The following TMEM170A variants were observed in gnomAD, a reference collection of about 807,000 sequenced individuals.
TMEM170A encodes transmembrane protein 170A, also known as transmembrane protein 170.
A neutral mutation model predicts 12.8 loss-of-function variants in TMEM170A; 18 were observed. The observed-to-expected ratio is 1.41, with a 90% confidence interval of 0.97 to 2.09. The LOEUF is 2.09. TMEM170A is among the 30% of genes most tolerant of loss of function. TMEM170A has a pLI of 0.00. For missense variants in TMEM170A, 220 were observed against 179.9 expected (o/e 1.22, Z -1.28); for synonymous variants, 107 against 76.2 (o/e 1.40, Z -2.11).
At position 75,443,456 on chromosome 16, in the gene TMEM170A, C is replaced by T. The variant is rs1423185925; in HGVS notation, c.*4102G>A. 2 of 152,170 alleles carry T rather than the reference C, an allele frequency of 1.3e-5. No individual in the cohort carries two copies. The highest frequency in any genetic ancestry group is 3.8e-4 in the East Asian group (2 of 5,200). 9.4% of individuals were successfully genotyped at this position (152,170 alleles called of 1,614,324 possible). On this transcript the variant is annotated 3_prime_UTR_variant, in exon 3 of 3. Transcript: ENST00000561878. ...GAAATGCAAGTACACGACATTTCTG[C>T]ATATGGTCTGCTAATGGCACCGATG...
At position 75,443,580 on chromosome 16, in the gene TMEM170A, G is replaced by T. The variant is rs1204714237; in HGVS notation, c.*3978C>A. 6.6e-6 allele frequency: 1 copy of T among 152,002 alleles called. No individual in the cohort carries two copies. The highest frequency in any genetic ancestry group is 2.4e-5 in the African/African-American group (1 of 41,376). 9.4% of individuals were successfully genotyped at this position (152,002 alleles called of 1,614,324 possible). A position where few individuals can be genotyped will look rare whatever the true frequency, so the allele number is the denominator to read the frequency against. ...CAGAGCAACCAGAAAGGATACTGGA[G>T]GCAAAAGCCAAAATACAATTTAAAA... On this transcript the variant is annotated 3_prime_UTR_variant, in exon 3 of 3. Coordinates refer to ENST00000561878, the MANE Select transcript of TMEM170A (RefSeq NM_145254.3).
At chr16:75,449,233 C>T (rs1597435886) in intron 2 of TMEM170A, among the ~76,000 whole-genome samples, 1 of 152,208 alleles carries the variant, frequency 6.6e-6, no homozygotes, top group African/African-American at 2.4e-5. Context: ...AAGGTATGAT[C>T]GCTATTCTCA....
intron 1 of TMEM170A, among the ~76,000 whole-genome samples, chr16:75,454,434 T>C (rs139835530): frequency 6.7e-5 from 10 of 149,298 alleles, no homozygotes; most frequent in East Asian, 2.0e-4. Context: ...CTGGCCAACA[T>C]AGTGAAACCC....
intron 2 of TMEM170A, among the ~76,000 whole-genome samples, chr16:75,449,198 T>C (rs1280108753): frequency 6.6e-6 from 1 of 152,206 alleles, no homozygotes; most frequent in Admixed American, 6.5e-5. Context: ...CCAATTTTCA[T>C]CTGCAGAACA....
chr16:75,443,679 A>T lies in TMEM170A; in HGVS notation c.*3879T>A, dbSNP rs1471917061. 6.6e-6 allele frequency: 1 copy of T among 152,244 alleles called. No homozygotes were observed. The highest frequency in any genetic ancestry group is 1.5e-5 in the Non-Finnish European group (1 of 68,042). 9.4% of individuals were successfully genotyped at this position (152,244 alleles called of 1,614,324 possible). The stretch of plus-strand genomic sequence containing the variant: ...TCACCTAGTGTAAACATTTCATAAG[A>T]AGTAATATTTTGTGGTCACAAAAAA... On this transcript the variant is annotated 3_prime_UTR_variant, in exon 3 of 3. Transcript: ENST00000561878.
At chr16:75,457,937 C>T (rs1330253557) in intron 1 of TMEM170A, among the ~76,000 whole-genome samples, 3 of 152,176 alleles carry the variant, frequency 2.0e-5, no homozygotes, top group Non-Finnish European at 2.9e-5. Context: ...GCTTATAAAA[C>T]ACTTTCACAT....
At chr16:75,464,249 A>C in intron 1 of TMEM170A, 1 of 1,501,470 alleles carries the variant, frequency 6.7e-7, no homozygotes. Context: ...CGCTCTCTGC[A>C]TCTCACGCCC....
rs951255589 is a variant in TMEM170A, at chr16:75,445,313, T to C, written c.*2245A>G. 1 of 152,204 alleles carries C rather than the reference T, an allele frequency of 6.6e-6. No homozygotes were observed. The highest frequency in any genetic ancestry group is 2.4e-5 in the African/African-American group (1 of 41,450). The allele number at this position is 152,204 out of a possible 1,614,324, so 9.4% of individuals were successfully genotyped here. ...GTTTTGATAAGTTAATTACCAAAAT[T>C]AGTAATATTATTTTAAGACAGGGTC... On this transcript the variant is annotated 3_prime_UTR_variant, in exon 3 of 3. Coordinates refer to ENST00000561878, the MANE Select transcript of TMEM170A (RefSeq NM_145254.3).
At position 75,451,825 on chromosome 16, in the gene TMEM170A, C is replaced by T. The variant is rs568433181; in HGVS notation, c.148G>A (p.Val50Ile). The change falls in exon 2 of 3, where the codon GTA becomes ATA. Residue 50 changes from valine to isoleucine, a missense_variant. Physicochemically the swap from Val to Ile is conservative, Grantham distance 29. Transcript: ENST00000561878. The stretch of plus-strand genomic sequence containing the variant: ...GAAGACACCAGTGCCCACAGGAATA[C>T]ACCATACCACATCTCTATGAGGGAA... ...LCSFPEMWYG[V>I]FLWALVSSLF... The T allele has an allele frequency of 1.9e-6, 3 of 1,612,240 alleles. No homozygotes were observed. Among genetic ancestry groups the T allele is most frequent in the Admixed American group, 1.7e-5 (1 of 59,622 alleles).
intron 1 of TMEM170A, among the ~76,000 whole-genome samples, chr16:75,453,007 G>A (rs1412968434): frequency 6.6e-6 from 1 of 152,102 alleles, no homozygotes; most frequent in Non-Finnish European, 1.5e-5. Flanking sequence ...GCTGATAACA[G>A]TGACACAGAC....
rs575185138 is a variant in TMEM170A, at chr16:75,451,533, T to G, written c.304+136A>C. The G allele has an allele frequency of 3.4e-6, 3 of 893,270 alleles. No homozygotes were observed. In the African/African-American group the frequency reaches 5.0e-5, roughly 15 times the overall value. The allele number at this position is 893,270 out of a possible 1,614,324, so 55.3% of individuals were successfully genotyped here. ...CCACTGCACTCCGGCCTTGGTGACA[T>G]AGGGAGACCCTGTCTGGACTTGCAG... is the stretch of plus-strand genomic sequence containing the variant. On this transcript the variant is annotated intron_variant, in intron 2 of 2. Transcript: ENST00000561878.
chr16:75,459,856 C>CAA (rs35740034), intron 1 of TMEM170A: 17 of 140,572 alleles, frequency 1.2e-4, no homozygotes, highest in South Asian at 2.3e-4. Context: ...AACTCCATCT[C>CAA]AAAAAAAAAA....
At position 75,443,327 on chromosome 16, in the gene TMEM170A, G is replaced by A. The variant is rs1004397350; in HGVS notation, c.*4231C>T. ...AATAAAATTTAAATAATTTTCTATTGTACAAAGATTTGATCATTTTGACTG... is the reference window on the plus strand; with the variant it reads ...AATAAAATTTAAATAATTTTCTATTATACAAAGATTTGATCATTTTGACTG... On this transcript the variant is annotated 3_prime_UTR_variant, in exon 3 of 3. Coordinates refer to ENST00000561878, the MANE Select transcript of TMEM170A (RefSeq NM_145254.3). 2 of 152,144 alleles carry A rather than the reference G, an allele frequency of 1.3e-5. No individual in the cohort carries two copies. The highest frequency in any genetic ancestry group is 4.1e-4 in the South Asian group (2 of 4,828). 9.4% of individuals were successfully genotyped at this position (152,144 alleles called of 1,614,324 possible).
chr16:75,451,954 T>G, intron 1 of TMEM170A, 115 bp from the exon 2 acceptor site: 1 of 1,014,574 alleles, frequency 9.9e-7, no homozygotes, highest in Non-Finnish European at 1.4e-6. Context: ...TTTTTCCTTT[T>G]TTTTGAAAAA....
intron 1 of TMEM170A, chr16:75,459,754 G>C (rs781250757): frequency 6.6e-6 from 1 of 152,288 alleles, no homozygotes; most frequent in Non-Finnish European, 1.5e-5. Context: ...CTACTCAGGA[G>C]GCTGAGGCAG....
intron 1 of TMEM170A, among the ~76,000 whole-genome samples, chr16:75,453,781 T>C (rs991968980): frequency 1.3e-5 from 2 of 152,216 alleles, no homozygotes; most frequent in Non-Finnish European, 2.9e-5. Flanking sequence ...TAATCACTCT[T>C]AAGGTGTCTG....
chr16:75,451,636 C>T (rs781479074), intron 2 of TMEM170A, 33 bp downstream of exon 2: 7 of 1,610,826 alleles, frequency 4.3e-6, no homozygotes, highest in Non-Finnish European at 5.9e-6. Context: ...TCATATTAAA[C>T]ATTTTTGACT....
intron 1 of TMEM170A, among the ~76,000 whole-genome samples, chr16:75,463,129 G>C (rs147780551): frequency 6.6e-6 from 1 of 152,264 alleles, no homozygotes; most frequent in African/African-American, 2.4e-5. Context: ...TCTAAGTAAA[G>C]GGTACATGGG....
rs766149353 is a variant in TMEM170A, at chr16:75,447,701, G to A, written c.305-13C>T. ...GCAATAGCTGCACCTGATTTAAAAT[G>A]CAAGAATGTTAAACAAAAACAAAAA... is the stretch of plus-strand genomic sequence containing the variant. On this transcript the variant is annotated splice_polypyrimidine_tract_variant and intron_variant, in intron 2 of 2. Coordinates refer to ENST00000561878, the MANE Select transcript of TMEM170A (RefSeq NM_145254.3). 11 of 1,567,158 alleles carry A rather than the reference G, an allele frequency of 7.0e-6. No individual in the cohort carries two copies. In the Admixed American group the frequency reaches 1.4e-4, roughly 20 times the overall value.
Sources: allele counts gnomAD v4.1 joint callset (sites outside exome capture counted in the v4.1 genomes callset), GRCh38; gene constraint gnomAD v4.1.1; transcripts MANE v1.5; gene names NCBI Gene and HGNC (gene_info 2026-07-23, HGNC 2026-07-21).